The following TK2 variants were observed in gnomAD, a reference collection of about 807,000 sequenced individuals.
The protein encoded by TK2 is thymidine kinase 2, also known as thymidine kinase 2, mitochondrial.
TK2 carries 35 observed loss-of-function variants against 41.9 expected under a neutral mutation model. That is an observed-to-expected ratio of 0.84 (90% CI 0.64 to 1.11). The LOEUF is 1.11. TK2 is among the 50% of genes least tolerant of loss of function. The probability of loss-of-function intolerance (pLI) is 0.00; values close to 1 mark genes in which losing one functional copy is unlikely to be tolerated. For synonymous variants in TK2, 128 were observed against 129.1 expected, an observed-to-expected ratio of 0.99 and a Z score of 0.06; for missense variants, 320 against 351.1, an observed-to-expected ratio of 0.91 and a Z score of 0.71.
At chr16:66,541,984 G>C (rs760014632) in intron 2 of TK2, 31 bp from the exon 3 acceptor site, 1 of 1,610,082 alleles carries the variant, frequency 6.2e-7, no homozygotes, top group Non-Finnish European at 8.5e-7. Context: ...ATTAGAGCCA[G>C]AACTCAAGCA....
intron 5 of TK2, among the ~76,000 whole-genome samples, chr16:66,529,783 T>C (rs972105636): frequency 1.3e-5 from 2 of 152,132 alleles, no homozygotes; most frequent in African/African-American, 4.8e-5. Flanking sequence ...TTCAAAGCCA[T>C]AACCCAGGCA....
intron 2 of TK2, 128 bp downstream of exon 2, chr16:66,548,850 C>A: frequency 1.1e-6 from 1 of 883,228 alleles, no homozygotes; most frequent in Non-Finnish European, 1.9e-6. Context: ...ACTTCCTTCT[C>A]CCTGGAGATC....
chr16:66,537,421 C>G (rs1190161114), intron 3 of TK2, among the ~76,000 whole-genome samples: 1 of 152,248 alleles, frequency 6.6e-6, no homozygotes, highest in East Asian at 1.9e-4. Flanking sequence ...GGACACTGGA[C>G]AGGGCTAGGC....
Position 66,508,397 on chromosome 16 carries a change from C to G in TK2, c.*3571G>C, listed in dbSNP as rs1301744176. ...GAGGCCTTCAGTGAGTAATCCTGGC[C>G]AAGCCCAGGGCAGCCAGGGATGTAT... On this transcript the variant is annotated 3_prime_UTR_variant, in exon 10 of 10. Coordinates refer to ENST00000544898, the MANE Select transcript of TK2 (RefSeq NM_004614.5). 1 of 152,242 alleles carries G rather than the reference C, an allele frequency of 6.6e-6. No individual in the cohort carries two copies. Among genetic ancestry groups the G allele is most frequent in the Admixed American group, 6.5e-5 (1 of 15,290 alleles). The allele number at this position is 152,242 out of a possible 1,614,324, so 9.4% of individuals were successfully genotyped here. A position where few individuals can be genotyped will look rare whatever the true frequency, so the allele number is the denominator to read the frequency against.
At chr16:66,516,926 C>T (rs1028385999) in intron 8 of TK2, among the ~76,000 whole-genome samples, 1 of 152,016 alleles carries the variant, frequency 6.6e-6, no homozygotes, top group South Asian at 2.1e-4. Flanking sequence ...TGTGAGTCAG[C>T]GACCACAGGA....
intron 5 of TK2, among the ~76,000 whole-genome samples, chr16:66,530,517 A>G (rs1965077208): frequency 6.6e-6 from 1 of 152,336 alleles, no homozygotes; most frequent in African/African-American, 2.4e-5. Context: ...CCAAAGCTGA[A>G]CCAATCAGAT....
intron 3 of TK2, among the ~76,000 whole-genome samples, chr16:66,538,149 C>G (rs1200424511): frequency 2.0e-5 from 3 of 152,084 alleles, no homozygotes; most frequent in African/African-American, 7.2e-5. Flanking sequence ...GGTGACAGAG[C>G]AAGACTCCGT....
chr16:66,511,913 G>A lies in TK2; in HGVS notation c.*55C>T. The stretch of plus-strand genomic sequence containing the variant: ...AAGTTTTTCCAGATTGCTCCCAATA[G>A]CTAACTTGGCAGCAGCAGGCATTTT... On this transcript the variant is annotated 3_prime_UTR_variant, in exon 10 of 10. Transcript: ENST00000544898. 2 of 1,539,984 alleles carry A rather than the reference G, an allele frequency of 1.3e-6. No individual in the cohort carries two copies. Among genetic ancestry groups the A allele is most frequent in the African/African-American group, 1.4e-5 (1 of 73,554 alleles).
At chr16:66,534,395 A>G (rs2144423872) in intron 4 of TK2, among the ~76,000 whole-genome samples, 1 of 152,364 alleles carries the variant, frequency 6.6e-6, no homozygotes, top group East Asian at 1.9e-4. Context: ...CAGCCACAAG[A>G]GTGAGTCTGT....
upstream of TK2, chr16:66,550,133 C>T (rs1965753220): frequency 3.7e-6 from 6 of 1,612,368 alleles, no homozygotes; most frequent in Admixed American, 5.0e-5. Flanking sequence ...GCTAGTCCAG[C>T]CGTTGGGCGC....
At chr16:66,548,059 G>A (rs369085011) in intron 2 of TK2, 10 of 753,176 alleles carry the variant, frequency 1.3e-5, no homozygotes, top group Middle Eastern at 2.7e-4. Context: ...ACAGCAAGAC[G>A]CCGTCTCTTA....
chr16:66,544,881 G>A (rs1304329309), intron 2 of TK2, among the ~76,000 whole-genome samples: 1 of 152,134 alleles, frequency 6.6e-6, no homozygotes, highest in Non-Finnish European at 1.5e-5. Flanking sequence ...GAGGTCAGGA[G>A]ATCAAGACCA....
intron 8 of TK2, among the ~76,000 whole-genome samples, chr16:66,515,629 T>C (rs1456288772): frequency 1.3e-5 from 2 of 152,248 alleles, no homozygotes; most frequent in Non-Finnish European, 2.9e-5. Context: ...CCCATGGACC[T>C]GGTCAAACCC....
Position 66,550,038 on chromosome 16 carries a change from G to C in TK2, c.24C>G (p.Gly8=). The C allele has an allele frequency of 6.4e-7, 1 of 1,560,140 alleles. No homozygotes were observed. The change falls in exon 1 of 10, where the codon GGC becomes GGG. Residue 8 remains glycine, a synonymous_variant. Transcript: ENST00000544898. ...AGCAGCGCAGCGCCCGGGCGGCCCA[G>C]CCCCGCAGCGGCCACAGCAGCATAG... The part of the protein sequence containing the change: MLLWPLR[G]WAARALRCFG...
intron 2 of TK2, chr16:66,548,152 T>C (rs1258269399): frequency 3.3e-5 from 13 of 394,830 alleles, no homozygotes; most frequent in Non-Finnish European, 6.2e-5. Context: ...CCCGCTGGCA[T>C]ATCCTTCTCC....
chr16:66,549,701 C>A (rs1431932127), intron 1 of TK2: 2 of 1,259,084 alleles, frequency 1.6e-6, no homozygotes, highest in Admixed American at 4.3e-5. Context: ...GCGTGTCCGT[C>A]CTGCTCTTTA....
rs1410704273 is a variant in TK2, at chr16:66,534,090, A to G, written c.286-2621T>C. Among the ~76,000 whole-genome samples, 4 of 151,794 alleles carry G rather than the reference A, an allele frequency of 2.6e-5. No homozygotes were observed. The East Asian group carries it at 7.8e-4, about 29-fold the overall frequency. On this transcript the variant is annotated intron_variant, in intron 4 of 9. Coordinates refer to ENST00000544898, the MANE Select transcript of TK2 (RefSeq NM_004614.5). ...AATCTATTCACGGATTAATAGATTA[A>G]TGGGTTATCTTACACTGGTGGCTTT...
intron 4 of TK2, among the ~76,000 whole-genome samples, chr16:66,536,574 G>T (rs922631579): frequency 6.6e-6 from 1 of 152,130 alleles, no homozygotes; most frequent in Admixed American, 6.5e-5. Context: ...CAAGTCAGGG[G>T]TCCACCAAGG....
intron 1 of TK2, chr16:66,549,410 G>C (rs1413949413): frequency 9.2e-7 from 1 of 1,091,790 alleles, no homozygotes; most frequent in Non-Finnish European, 1.1e-6. Flanking sequence ...GCCCAGGGCG[G>C]GCATCGCTGC....
Sources: allele counts gnomAD v4.1 joint callset (sites outside exome capture counted in the v4.1 genomes callset), GRCh38; gene constraint gnomAD v4.1.1; transcripts MANE v1.5; gene names NCBI Gene and HGNC (gene_info 2026-07-23, HGNC 2026-07-21).